Variants in ETV6 observed in about 807,000 individuals in gnomAD.
ETV6 encodes ETS variant transcription factor 6.
ETV6 carries 16 observed loss-of-function variants against 51.1 expected under a neutral mutation model. That is an observed-to-expected ratio of 0.31 (90% CI 0.21 to 0.48). ETV6 has a LOEUF of 0.48. Among genes scored for constraint, ETV6 ranks in the 20% least tolerant of loss-of-function variants. The probability of loss-of-function intolerance (pLI) is 0.99; values close to 1 mark genes in which losing one functional copy is unlikely to be tolerated. For synonymous variants in ETV6, 240 were observed against 224.1 expected (o/e 1.07, Z -0.64); for missense variants, 458 against 594.8 (o/e 0.77, Z 2.39).
intron 2 of ETV6, among the ~76,000 whole-genome samples, chr12:11,780,361 A>C (rs184609141): frequency 8.3e-4 from 127 of 152,312 alleles, no homozygotes; most frequent in African/African-American, 2.9e-3. Flanking sequence ...GACAACAGCA[A>C]ATATTCACCT....
intron 2 of ETV6, among the ~76,000 whole-genome samples, chr12:11,777,013 T>G (rs1049187767): frequency 1.3e-5 from 2 of 152,000 alleles, no homozygotes; most frequent in African/African-American, 4.8e-5. Flanking sequence ...CCAAGGCGGG[T>G]GGATCACAAG....
intron 1 of ETV6, among the ~76,000 whole-genome samples, chr12:11,669,406 C>T (rs1302607074): frequency 2.8e-5 from 4 of 141,194 alleles, no homozygotes; most frequent in African/African-American, 7.7e-5. Flanking sequence ...TTCCTCCTTT[C>T]CTCCCTTCCT....
chr12:11,670,964 G>C (rs1488462917), intron 1 of ETV6, among the ~76,000 whole-genome samples: 1 of 152,138 alleles, frequency 6.6e-6, no homozygotes, highest in Non-Finnish European at 1.5e-5. Flanking sequence ...TAAGTGAGCA[G>C]GGATTGTGGG....
At chr12:11,656,992 C>T (rs150460966) in intron 1 of ETV6, among the ~76,000 whole-genome samples, 1 of 151,934 alleles carries the variant, frequency 6.6e-6, no homozygotes, top group Non-Finnish European at 1.5e-5. Context: ...TTTTTTGACT[C>T]CTGTCTCGAT....
At chr12:11,668,413 A>T (rs1425235227) in intron 1 of ETV6, among the ~76,000 whole-genome samples, 9 of 144,108 alleles carry the variant, frequency 6.2e-5, no homozygotes, top group South Asian at 4.2e-4. Context: ...TTTTTTTTTT[A>T]AATTGATGTG....
At chr12:11,740,188 G>A (rs750861266) in intron 1 of ETV6, among the ~76,000 whole-genome samples, 24 of 152,152 alleles carry the variant, frequency 1.6e-4, no homozygotes, top group African/African-American at 3.9e-4. Flanking sequence ...CTCCGTAATC[G>A]TCAGTGTAGA....
At chr12:11,814,513 C>T (rs573323446) in intron 2 of ETV6, among the ~76,000 whole-genome samples, 18 of 152,270 alleles carry the variant, frequency 1.2e-4, no homozygotes, top group African/African-American at 4.3e-4. Flanking sequence ...CCCAAACACT[C>T]TCCACTATTT....
At chr12:11,880,851 T>C (rs978392644) in intron 5 of ETV6, among the ~76,000 whole-genome samples, 5 of 152,170 alleles carry the variant, frequency 3.3e-5, no homozygotes, top group Admixed American at 2.0e-4. Flanking sequence ...GTCAGCCTAT[T>C]TGCAATGGAA....
At chr12:11,822,117 C>T (rs1946090210) in intron 2 of ETV6, among the ~76,000 whole-genome samples, 1 of 152,184 alleles carries the variant, frequency 6.6e-6, no homozygotes, top group Non-Finnish European at 1.5e-5. Flanking sequence ...TTCCAGACCG[C>T]AAAATCCAGT....
chr12:11,674,357 G>C (rs1864374788), intron 1 of ETV6, among the ~76,000 whole-genome samples: 1 of 152,116 alleles, frequency 6.6e-6, no homozygotes. Context: ...GGGAAGCTCA[G>C]GCTTTTAAAC....
chr12:11,683,156 G>C (rs1864564205), intron 1 of ETV6, among the ~76,000 whole-genome samples: 1 of 152,184 alleles, frequency 6.6e-6, no homozygotes, highest in South Asian at 2.1e-4. Flanking sequence ...CAATTCTCTT[G>C]CCTCAGCCTC....
At chr12:11,742,989 G>A (rs934221118) in intron 1 of ETV6, among the ~76,000 whole-genome samples, 6 of 151,768 alleles carry the variant, frequency 4.0e-5, no homozygotes, top group African/African-American at 1.5e-4. Context: ...CATATTTTTT[G>A]TAGAGACGGG....
intron 5 of ETV6, among the ~76,000 whole-genome samples, chr12:11,870,507 T>C (rs1445876976): frequency 6.6e-6 from 1 of 152,146 alleles, no homozygotes; most frequent in African/African-American, 2.4e-5. Flanking sequence ...CTTTCATTTA[T>C]TATAAGAAGC....
chr12:11,738,671 C>G (rs1208255013), intron 1 of ETV6, among the ~76,000 whole-genome samples: 1 of 152,104 alleles, frequency 6.6e-6, no homozygotes, highest in African/African-American at 2.4e-5. Flanking sequence ...AATGACGACA[C>G]CCCAGGCACA....
chr12:11,679,068 T>C (rs1864476207), intron 1 of ETV6, among the ~76,000 whole-genome samples: 1 of 152,178 alleles, frequency 6.6e-6, no homozygotes, highest in Non-Finnish European at 1.5e-5. Flanking sequence ...CAAATTGACA[T>C]ATAAAATTAA....
At chr12:11,845,991 C>CA (rs60730342) in intron 3 of ETV6, among the ~76,000 whole-genome samples, 13,366 of 117,862 alleles carry the variant, frequency 0.11, 689 homozygotes, top group Non-Finnish European at 0.13. Flanking sequence ...GACTCCGTCT[C>CA]AAAAAAAAAA....
At chr12:11,813,818 T>G (rs1591692067) in intron 2 of ETV6, among the ~76,000 whole-genome samples, 1 of 152,262 alleles carries the variant, frequency 6.6e-6, no homozygotes, top group South Asian at 2.1e-4. Context: ...AAGAAGAGCC[T>G]GTGTGGTTCG....
intron 1 of ETV6, among the ~76,000 whole-genome samples, chr12:11,667,174 C>T (rs1864210339): frequency 6.6e-6 from 1 of 152,206 alleles, no homozygotes; most frequent in South Asian, 2.1e-4. Context: ...GTGTCCAGCA[C>T]GGTGCCTGGC....
chr12:11,818,025 T>C (rs1333403965), intron 2 of ETV6, among the ~76,000 whole-genome samples: 2 of 151,806 alleles, frequency 1.3e-5, no homozygotes, highest in Non-Finnish European at 2.9e-5. Context: ...GAAGCAAGTG[T>C]GTGAGCAAAG....
Sources: allele counts gnomAD v4.1 joint callset (sites outside exome capture counted in the v4.1 genomes callset), GRCh38; gene constraint gnomAD v4.1.1; transcripts MANE v1.5; gene names NCBI Gene and HGNC (gene_info 2026-07-23, HGNC 2026-07-21).